The following PLEKHH3 variants were observed in gnomAD, a reference collection of about 807,000 sequenced individuals.
The protein encoded by PLEKHH3 is pleckstrin homology, MyTH4 and FERM domain containing H3.
In PLEKHH3, 57 loss-of-function variants were observed where a neutral mutation model predicts 77.8. That is an observed-to-expected ratio of 0.73 (90% CI 0.59 to 0.91). The LOEUF (loss-of-function observed/expected upper bound fraction) is 0.91. Ranked by LOEUF, PLEKHH3 falls within the 40% of genes least tolerant of loss-of-function variation. The pLI, the probability that PLEKHH3 is intolerant of heterozygous loss-of-function variation, is 0.00. For missense variants in PLEKHH3, 1,082 were observed against 1,091.2 expected (o/e 0.99, Z 0.12); for synonymous variants, 467 against 504.8 (o/e 0.93, Z 1.00).
At chr17:42,673,583 C>T (rs762406177) in intron 4 of PLEKHH3, 27 bp from the exon 5 acceptor site, 1 of 1,588,708 alleles carries the variant, frequency 6.3e-7, no homozygotes, top group South Asian at 1.1e-5. Context: ...CCAGGGAGGG[C>T]CATTAGGGTC....
rs369583008 is a variant in PLEKHH3 at position 42,672,220 on chromosome 17, G to A, written c.942C>T (p.Gly314=). Residue 314 remains glycine (G), a synonymous_variant, in exon 7 of 13, where the codon GGC becomes GGT. Transcript: ENST00000591022. ...LFLQLAKQTS[G]PAGPPGLPAT... is the part of the protein sequence containing the mutation. ...CCGGGAGCCCGGGGGGACCTGCAGG[G>A]CCCGAGGTCTGCTTAGCCAGCTGCA... 1.9e-6 allele frequency: 3 copies of A among 1,551,060 alleles called. No homozygotes were observed. Among genetic ancestry groups the A allele is most frequent in the Admixed American group, 2.0e-5 (1 of 51,022 alleles).
rs754954955 is a variant in PLEKHH3, at chr17:42,671,452, TCTC to T, written c.1180_1182del (p.Glu394del). 1 of 1,613,006 alleles carries T rather than the reference TCTC, an allele frequency of 6.2e-7. No homozygotes were observed. Among genetic ancestry groups the T allele is most frequent in the Admixed American group, 1.7e-5 (1 of 60,004 alleles). On this transcript the variant is annotated inframe_deletion, in exon 8 of 13. Transcript: ENST00000591022. The surrounding 1 kb of genome is among the most constrained non-coding windows in gnomAD (Gnocchi z 4.7). ...TCCTGCCGTTGGCTCAACGCGGAAA[TCTC>T]CGCCAGCGAGGGCACCAGCTCTCTG... is the stretch of plus-strand genomic sequence containing the variant.
chr17:42,670,661 C>G lies in PLEKHH3; in HGVS notation c.1466G>C (p.Gly489Ala). The change falls in exon 10 of 13, where the codon GGG (glycine) becomes GCG (alanine). Residue 489 changes from glycine (G) to alanine (A), a missense_variant. Transcript: ENST00000591022. ...GTGAAGACGCAGACATAGTCTCCAC[C>G]CGGAGTCGGGCGAGTCCTCCAACCC... is the stretch of plus-strand genomic sequence containing the variant. The part of the protein sequence containing the change: ...EAGLEDSPDS[G>A]WRLCLRLHGP... The G allele has an allele frequency of 1.2e-6, 2 of 1,613,120 alleles. No homozygotes were observed. The highest frequency in any genetic ancestry group is 3.3e-5 in the Admixed American group (2 of 60,028).
chr17:42,670,700 G>T lies in PLEKHH3; in HGVS notation c.1427C>A (p.Ala476Asp). Residue 476 changes from alanine to aspartate, a missense_variant, in exon 10 of 13, where the codon GCC (alanine) becomes GAC (aspartate). Transcript: ENST00000591022. ...ADVLTRFENL[A>D]AEEAGLEDSP... The stretch of plus-strand genomic sequence containing the variant: ...GTCCTCCAACCCAGCTTCCTCCGCG[G>T]CCAAGCTGCAGAAGAGGAGCGGACG... 1.2e-6 allele frequency: 2 copies of T among 1,612,128 alleles called. No homozygotes were observed. Among genetic ancestry groups the T allele is most frequent in the Non-Finnish European group, 1.7e-6 (2 of 1,179,228 alleles).
chr17:42,672,160 T>C lies in PLEKHH3; in HGVS notation c.1002A>G (p.Gln334=), dbSNP rs765189244. ...AGGTGCAGCTCATGCAGGTGAGGAGTTGCCAGTACCGCAGGGCCGCAGGGT... is the reference window on the plus strand; with the variant it reads ...AGGTGCAGCTCATGCAGGTGAGGAGCTGCCAGTACCGCAGGGCCGCAGGGT... ...TQDPAALRYW[Q]LLTCMSCTFR... The change falls in exon 7 of 13, where the codon CAA becomes CAG. Residue 334 remains glutamine (Q), a synonymous_variant. Coordinates refer to ENST00000591022, the MANE Select transcript of PLEKHH3 (RefSeq NM_024927.5). The C allele has an allele frequency of 1.7e-5, 27 of 1,547,050 alleles. No individual in the cohort carries two copies. Among genetic ancestry groups the C allele is most frequent in the South Asian group, 7.2e-5 (6 of 83,762 alleles).
chr17:42,673,203 G>A lies in PLEKHH3; in HGVS notation c.742C>T (p.Pro248Ser). 1 of 1,550,962 alleles carries A rather than the reference G, an allele frequency of 6.4e-7. No individual in the cohort carries two copies. The highest frequency in any genetic ancestry group is 8.7e-7 in the Non-Finnish European group (1 of 1,150,820). ...GGGGCGCTGACTCCATAGGGCAGGG[G>A]CAGGAGTGGGGCATACAAGGCTCCA... ...TSGALYAPLL[P>S]LPYGVSAPGP... Residue 248 changes from proline to serine, a missense_variant, in exon 6 of 13, where the codon CCC (proline) becomes TCC (serine). Physicochemically the swap from Pro to Ser is moderately conservative, Grantham distance 74. Coordinates refer to ENST00000591022, the MANE Select transcript of PLEKHH3 (RefSeq NM_024927.5).
In PLEKHH3 at chr17:42,676,497, C is replaced by T; in HGVS notation, c.67G>A (p.Asp23Asn). 1.2e-6 allele frequency: 2 copies of T among 1,609,676 alleles called. No individual in the cohort carries two copies. The highest frequency in any genetic ancestry group is 2.2e-5 in the South Asian group (2 of 90,338). The change falls in exon 1 of 13, where the codon GAC becomes AAC. Residue 23 changes from aspartate to asparagine, a missense_variant. By Grantham distance (23) the Asp-to-Asn change is conservative (BLOSUM62 1). This residue lies in a region of PLEKHH3 where 344 missense variants were observed against 320.8 expected (regional missense o/e 1.07). Coordinates refer to ENST00000591022, the MANE Select transcript of PLEKHH3 (RefSeq NM_024927.5). This position sits in a 1 kb window ranked among gnomAD's most constrained non-coding sequence, Gnocchi z 6.6. ...CCGCTAAGCTCGCCGTCCCCGTAGT[C>T]CCGGTGCAGAAGAGTGAAGCCTCGA... Reference protein sequence around the residue: ...CRRGFTLLHRDYGDGELSGDG... With the variant: ...CRRGFTLLHRNYGDGELSGDG...
At chr17:42,670,425 C>A in intron 10 of PLEKHH3, 49 bp from the exon 11 acceptor site, 3 of 1,462,582 alleles carry the variant, frequency 2.1e-6, no homozygotes, top group Non-Finnish European at 1.8e-6. Context: ...GCGGAACCGT[C>A]GCGAAAACGC....
chr17:42,668,387 C>T, intron 12 of PLEKHH3, 84 bp from the exon 13 acceptor site: 1 of 1,266,680 alleles, frequency 7.9e-7, no homozygotes, highest in African/African-American at 1.6e-5. Context: ...TCTAGGGCTC[C>T]AGCTTCCCCA....
rs1567953644 is a variant in PLEKHH3, at chr17:42,668,079, C to A, written c.*48G>T. Reference sequence around the variant, plus strand: ...TGTTTCCCTCAAATCTCAGAGCAGTCCTGGCCCAGGCTGCAGGCAGGAGGG... The same window carrying A: ...TGTTTCCCTCAAATCTCAGAGCAGTACTGGCCCAGGCTGCAGGCAGGAGGG... On this transcript the variant is annotated 3_prime_UTR_variant, in exon 13 of 13. Coordinates refer to ENST00000591022, the MANE Select transcript of PLEKHH3 (RefSeq NM_024927.5). The A allele has an allele frequency of 1.5e-6, 2 of 1,356,842 alleles. No individual in the cohort carries two copies. Among genetic ancestry groups the A allele is most frequent in the East Asian group, 3.0e-5 (1 of 33,718 alleles). 84.1% of individuals were successfully genotyped at this position (1,356,842 alleles called of 1,614,324 possible). A position where few individuals can be genotyped will look rare whatever the true frequency, so the allele number is the denominator to read the frequency against.
In PLEKHH3 at chr17:42,671,045, C is replaced by A. The variant is rs928412699; in HGVS notation, c.1370G>T (p.Arg457Leu). 8.7e-6 allele frequency: 14 copies of A among 1,610,196 alleles called. No individual in the cohort carries two copies. The highest frequency in any genetic ancestry group is 1.1e-5 in the Non-Finnish European group (13 of 1,178,894). The change falls in exon 9 of 13, where the codon CGA (arginine) becomes CTA (leucine). Residue 457 changes from arginine (R) to leucine (L), a missense_variant. Around this residue, in one of 3 missense-constraint regions of PLEKHH3, gnomAD observed 733 missense variants for 750.0 expected, o/e 0.98. Coordinates refer to ENST00000591022, the MANE Select transcript of PLEKHH3 (RefSeq NM_024927.5). This position sits in a 1 kb window ranked among gnomAD's most constrained non-coding sequence, Gnocchi z 4.7. ...CACGAGGGTCCCCCCAGCCAGGGCT[C>A]GCTCCTGGGCCCCTCGCTGCTCGTA... ...ALYEQRGAQE[R>L]ALAGGTLVAD...
Position 42,673,059 on chromosome 17 carries a change from G to A in PLEKHH3, c.769+117C>T. The A allele has an allele frequency of 2.2e-6, 3 of 1,336,530 alleles. No individual in the cohort carries two copies. In the South Asian group the frequency reaches 5.5e-5, roughly 25 times the overall value. 82.8% of individuals were successfully genotyped at this position (1,336,530 alleles called of 1,614,324 possible). ...CAGTTTCACCTTCATCCTTCGAAAA[G>A]TGAGGAGCTGGCAGGTCCATGAAGG... is the stretch of plus-strand genomic sequence containing the variant. On this transcript the variant is annotated intron_variant, in intron 6 of 12. Coordinates refer to ENST00000591022, the MANE Select transcript of PLEKHH3 (RefSeq NM_024927.5).
chr17:42,672,390 G>C lies in PLEKHH3; in HGVS notation c.772C>G (p.Pro258Ala). ...PLPYGVSAPG[P>A]GYAPLREEAV... Reference sequence around the variant, plus strand: ...TCCTCGCGCAGGGGTGCATAGCCCGGACCTGTGGGAGGGTGGGGGCGGAGG... The same window carrying C: ...TCCTCGCGCAGGGGTGCATAGCCCGCACCTGTGGGAGGGTGGGGGCGGAGG... The change falls in exon 7 of 13, where the codon CCG becomes GCG. Residue 258 changes from proline to alanine, a missense_variant and splice_region_variant. Coordinates refer to ENST00000591022, the MANE Select transcript of PLEKHH3 (RefSeq NM_024927.5). 6 of 1,511,282 alleles carry C rather than the reference G, an allele frequency of 4.0e-6. No individual in the cohort carries two copies. Among genetic ancestry groups the C allele is most frequent in the South Asian group, 1.2e-5 (1 of 80,710 alleles). The allele number at this position is 1,511,282 out of a possible 1,614,324, so 93.6% of individuals were successfully genotyped here.
chr17:42,676,255 CG>C lies in PLEKHH3; in HGVS notation c.162+146del. On this transcript the variant is annotated intron_variant, in intron 1 of 12. Coordinates refer to ENST00000591022, the MANE Select transcript of PLEKHH3 (RefSeq NM_024927.5). This position sits in a 1 kb window ranked among gnomAD's most constrained non-coding sequence, Gnocchi z 6.6. ...GTAGGGCTGCTGCTCCGAGAGCTCC[CG>C]GGGGCTTTGGCCCCCAGGCAAAAAA... is the stretch of plus-strand genomic sequence containing the variant. 2 of 1,421,890 alleles carry C rather than the reference CG, an allele frequency of 1.4e-6. No individual in the cohort carries two copies. The highest frequency in any genetic ancestry group is 1.9e-6 in the Non-Finnish European group (2 of 1,077,328). 88.1% of individuals were successfully genotyped at this position (1,421,890 alleles called of 1,614,324 possible).
intron 9 of PLEKHH3, 60 bp from the exon 10 acceptor site, chr17:42,670,765 CT>C: frequency 6.5e-7 from 1 of 1,539,964 alleles, no homozygotes; most frequent in Non-Finnish European, 8.8e-7. Context: ...GCGAGGGCAG[CT>C]TGGGGTGGGG....
chr17:42,670,483 G>C (rs1384636225), intron 10 of PLEKHH3, 90 bp downstream of exon 10: 2 of 1,525,294 alleles, frequency 1.3e-6, no homozygotes, highest in Non-Finnish European at 8.8e-7. Flanking sequence ...CTCCCGCGGG[G>C]CTGCCATAGT....
At position 42,673,755 on chromosome 17, in the gene PLEKHH3, C is replaced by G; in HGVS notation, c.378G>C (p.Arg126=). ...TGCTGCTGAACTGATCCAGGGAGTC[C>G]CGCGTGAGCACAAACCAGGCTCGGC... is the stretch of plus-strand genomic sequence containing the variant. The part of the protein sequence containing the change: ...PPRRAWFVLT[R]DSLDQFSSSG... The change falls in exon 4 of 13, where the codon CGG becomes CGC. Residue 126 remains arginine, a synonymous_variant. Coordinates refer to ENST00000591022, the MANE Select transcript of PLEKHH3 (RefSeq NM_024927.5). 6.3e-7 allele frequency: 1 copy of G among 1,598,806 alleles called. No homozygotes were observed. The highest frequency in any genetic ancestry group is 8.5e-7 in the Non-Finnish European group (1 of 1,179,012).
chr17:42,674,274 C>G, intron 2 of PLEKHH3, 80 bp downstream of exon 2: 1 of 1,464,936 alleles, frequency 6.8e-7, no homozygotes, highest in Non-Finnish European at 9.2e-7. Flanking sequence ...ATTGCACAAC[C>G]GCTAGGGGAG....
rs2052632858 is a variant in PLEKHH3, at chr17:42,669,448, G to T, written c.2187C>A (p.Leu729=). 2 of 1,554,424 alleles carry T rather than the reference G, an allele frequency of 1.3e-6. No homozygotes were observed. The highest frequency in any genetic ancestry group is 2.3e-5 in the East Asian group (1 of 43,824). The change falls in exon 12 of 13, where the codon CTC becomes CTA. Residue 729 remains leucine, a synonymous_variant. Transcript: ENST00000591022. ...CACTCACCTGGGGGCTCTGCAGGAG[G>T]AGCTGGCTCTCTCCCACCCTCAAGG... The part of the protein sequence containing the change: ...TLALRVGESQ[L]LLQSPQVEEI...
Sources: allele counts gnomAD v4.1 joint callset, GRCh38; gene constraint gnomAD v4.1.1; regional missense constraint gnomAD v4.1.1; non-coding constraint Gnocchi (gnomAD v3.1); transcripts MANE v1.5; gene names NCBI Gene and HGNC (gene_info 2026-07-23, HGNC 2026-07-21).